Variants in DOCK5 observed in about 807,000 individuals in gnomAD.
The protein encoded by DOCK5 is dedicator of cytokinesis protein 5.
DOCK5 carries 142 observed loss-of-function variants against 251.8 expected under a neutral mutation model. The observed-to-expected ratio is 0.56, with a 90% confidence interval of 0.49 to 0.65. The LOEUF (loss-of-function observed/expected upper bound fraction) is 0.65. Among genes scored for constraint, DOCK5 ranks in the 30% least tolerant of loss-of-function variants. DOCK5 has a pLI of 0.00. For missense variants in DOCK5, 2,111 were observed against 2,312.3 expected, an observed-to-expected ratio of 0.91 and a Z score of 1.79; for synonymous variants, 842 against 835.5, an observed-to-expected ratio of 1.01 and a Z score of -0.13.
chr8:25,350,983 G>T (rs1289651776), intron 26 of DOCK5, among the ~76,000 whole-genome samples: 1 of 152,130 alleles, frequency 6.6e-6, no homozygotes, highest in Non-Finnish European at 1.5e-5. Flanking sequence ...ACAGAAGGTG[G>T]TAAGAGCTTT....
At chr8:25,354,921 T>C (rs973095344) in intron 27 of DOCK5, among the ~76,000 whole-genome samples, 1 of 152,076 alleles carries the variant, frequency 6.6e-6, no homozygotes, top group Non-Finnish European at 1.5e-5. Flanking sequence ...TGATACTCAA[T>C]GGTCGTTAAA....
intron 11 of DOCK5, among the ~76,000 whole-genome samples, chr8:25,306,318 CTTGTT>C (rs907953979): frequency 1.3e-5 from 2 of 152,110 alleles, no homozygotes; most frequent in African/African-American, 4.8e-5. Flanking sequence ...GAATGCTGCT[CTTGTT>C]TTGTGCATAA....
intron 8 of DOCK5, among the ~76,000 whole-genome samples, chr8:25,300,148 C>T (rs935791431): frequency 3.9e-5 from 6 of 152,208 alleles, no homozygotes; most frequent in African/African-American, 1.2e-4. Flanking sequence ...TCAGGCGATC[C>T]GCCCGCCTTG....
Position 25,410,176 on chromosome 8 carries a change from G to A in DOCK5, c.5482G>A (p.Glu1828Lys), listed in dbSNP as rs1801597110. Residue 1828 changes from glutamate (E) to lysine (K), a missense_variant, in exon 51 of 52, where the codon GAA becomes AAA. Physicochemically the swap from Glu to Lys is moderately conservative, Grantham distance 56 (BLOSUM62 1). This residue lies in a region of DOCK5 where 1,717 missense variants were observed against 1,892.4 expected (regional missense o/e 0.91). Coordinates refer to ENST00000276440, the MANE Select transcript of DOCK5 (RefSeq NM_024940.8). The stretch of plus-strand genomic sequence containing the variant: ...ACCTCCCCCCAAAAGCAAGCCCTAT[G>A]AAGGCAGCCAGAGGAACTCCACTGA... Reference protein sequence around the residue: ...PPPPPKSKPYEGSQRNSTELA... With the variant: ...PPPPPKSKPYKGSQRNSTELA... 6.2e-7 allele frequency: 1 copy of A among 1,613,616 alleles called. No homozygotes were observed. The highest frequency in any genetic ancestry group is 8.5e-7 in the Non-Finnish European group (1 of 1,179,796).
chr8:25,222,874 G>A (rs961667472), intron 1 of DOCK5, among the ~76,000 whole-genome samples: 7 of 152,256 alleles, frequency 4.6e-5, no homozygotes, highest in African/African-American at 1.2e-4. Context: ...TGTCTTGCAC[G>A]CTTGGTGCCC....
Position 25,414,028 on chromosome 8 carries a change from T to G in DOCK5, c.*2730T>G, listed in dbSNP as rs940904683. The G allele has an allele frequency of 2.6e-5, 4 of 152,220 alleles. No homozygotes were observed. The highest frequency in any genetic ancestry group is 5.9e-5 in the Non-Finnish European group (4 of 68,038). The allele number at this position is 152,220 out of a possible 1,614,324, so 9.4% of individuals were successfully genotyped here. Reference sequence around the variant, plus strand: ...TTTATTTTTCTTGCTAAGAACTCTCTGGAGTATTGAAAGACATTGAAATTA... The same window carrying G: ...TTTATTTTTCTTGCTAAGAACTCTCGGGAGTATTGAAAGACATTGAAATTA... On this transcript the variant is annotated 3_prime_UTR_variant, in exon 52 of 52. Transcript: ENST00000276440.
intron 16 of DOCK5, among the ~76,000 whole-genome samples, chr8:25,323,469 G>A (rs368820196): frequency 6.6e-6 from 1 of 152,296 alleles, no homozygotes; most frequent in East Asian, 1.9e-4. Flanking sequence ...GGAAGGTCTT[G>A]TAGAAATAAA....
At chr8:25,210,845 G>A (rs1404339509) in intron 1 of DOCK5, among the ~76,000 whole-genome samples, 1 of 51,558 alleles carries the variant, frequency 1.9e-5, no homozygotes, top group African/African-American at 4.2e-5. Flanking sequence ...AAGGAGCAGT[G>A]GAAAGTGCCA....
chr8:25,196,852 G>A (rs756251626), intron 1 of DOCK5, among the ~76,000 whole-genome samples: 2 of 152,278 alleles, frequency 1.3e-5, no homozygotes, highest in Non-Finnish European at 1.5e-5. Flanking sequence ...GGAATGAGTT[G>A]TAGCGGAATT....
chr8:25,381,026 A>G (rs1286256915), intron 39 of DOCK5, among the ~76,000 whole-genome samples: 1 of 151,916 alleles, frequency 6.6e-6, no homozygotes, highest in Non-Finnish European at 1.5e-5. Flanking sequence ...CTGAATGCCC[A>G]GTGGAAGGCA....
chr8:25,246,224 G>A lies in DOCK5; in HGVS notation c.127+2467G>A, dbSNP rs144611273. Among the ~76,000 whole-genome samples the A allele has an allele frequency of 4.4e-3, 676 of 152,242 alleles. 2 individuals are homozygous for A. The highest frequency in any genetic ancestry group is 0.016 in the African/African-American group (648 of 41,554). On this transcript the variant is annotated intron_variant, in intron 2 of 51. Coordinates refer to ENST00000276440, the MANE Select transcript of DOCK5 (RefSeq NM_024940.8). Reference sequence around the variant, plus strand: ...CTGGCTCCACAAGGCCATCAGAAATGCTGCTCAGCTTCTCAGCCACTCAGG... The same window carrying A: ...CTGGCTCCACAAGGCCATCAGAAATACTGCTCAGCTTCTCAGCCACTCAGG...
chr8:25,367,672 G>T (rs1800800201), intron 31 of DOCK5, among the ~76,000 whole-genome samples: 2 of 152,006 alleles, frequency 1.3e-5, no homozygotes, highest in South Asian at 4.1e-4. Context: ...AGTATTTTTT[G>T]CTCCCAAGGA....
intron 1 of DOCK5, among the ~76,000 whole-genome samples, chr8:25,196,518 G>A (rs1801729506): frequency 6.6e-6 from 1 of 152,212 alleles, no homozygotes; most frequent in Admixed American, 6.5e-5. Flanking sequence ...TTAGAATACT[G>A]GCAAGGGGCT....
At position 25,299,079 on chromosome 8, in the gene DOCK5, C is replaced by A; in HGVS notation, c.742C>A (p.Pro248Thr). The change falls in exon 8 of 52, where the codon CCA becomes ACA. Residue 248 changes from proline to threonine, a missense_variant. Physicochemically the swap from Pro to Thr is conservative, Grantham distance 38. Transcript: ENST00000276440. ...DAELFMALYD[P>T]DQSTFISENY... is the part of the protein sequence containing the mutation. Reference sequence around the variant, plus strand: ...AGAGTTGTTTATGGCCCTCTACGACCCAGACCAGTCCACTTTTATCAGGTA... The same window carrying A: ...AGAGTTGTTTATGGCCCTCTACGACACAGACCAGTCCACTTTTATCAGGTA... The A allele has an allele frequency of 6.2e-7, 1 of 1,613,636 alleles. No individual in the cohort carries two copies. The highest frequency in any genetic ancestry group is 8.5e-7 in the Non-Finnish European group (1 of 1,179,772).
intron 6 of DOCK5, among the ~76,000 whole-genome samples, chr8:25,294,784 C>G (rs1422595795): frequency 1.3e-5 from 2 of 152,174 alleles, no homozygotes; most frequent in Non-Finnish European, 2.9e-5. Flanking sequence ...GCTTCTGCCT[C>G]TGGGGAGGCC....
intron 2 of DOCK5, among the ~76,000 whole-genome samples, chr8:25,267,866 A>ATTT (rs541488063): frequency 1.4e-5 from 2 of 146,298 alleles, no homozygotes; most frequent in African/African-American, 5.0e-5. Context: ...CTTTATTGGA[A>ATTT]TTTTTTTTTT....
chr8:25,304,602 G>T (rs1022130150), intron 11 of DOCK5: 2 of 359,204 alleles, frequency 5.6e-6, no homozygotes, highest in African/African-American at 4.2e-5. Context: ...ATGCAGAGAG[G>T]GTGCCGTCCT....
At position 25,408,814 on chromosome 8, in the gene DOCK5, A is replaced by G. The variant is rs754163755; in HGVS notation, c.5278A>G (p.Lys1760Glu). ...PEPDLMSPTR[K>E]AQRPKSLQLM... The stretch of plus-strand genomic sequence containing the variant: ...TCTCTGGTCCTAGAGCCCAACCAGA[A>G]AAGCACAAAGGCCAAAGAGTCTCCA... Residue 1760 changes from lysine (K) to glutamate (E), a missense_variant, in exon 50 of 52, where the codon AAA becomes GAA. Lys to Glu is a moderately conservative substitution (Grantham distance 56). Around this residue, in one of 3 missense-constraint regions of DOCK5, gnomAD observed 1,717 missense variants for 1,892.4 expected, o/e 0.91. Transcript: ENST00000276440. 1.2e-6 allele frequency: 2 copies of G among 1,614,026 alleles called. No homozygotes were observed. Among genetic ancestry groups the G allele is most frequent in the Non-Finnish European group, 1.7e-6 (2 of 1,179,906 alleles).
chr8:25,370,981 TC>T (rs1183199911), intron 34 of DOCK5, among the ~76,000 whole-genome samples: 2 of 152,130 alleles, frequency 1.3e-5, no homozygotes, highest in Non-Finnish European at 2.9e-5. Context: ...GGCCTACCCT[TC>T]ATTCAGGTTG....
Sources: allele counts gnomAD v4.1 joint callset (sites outside exome capture counted in the v4.1 genomes callset), GRCh38; gene constraint gnomAD v4.1.1; regional missense constraint gnomAD v4.1.1; transcripts MANE v1.5; gene names NCBI Gene and HGNC (gene_info 2026-07-23, HGNC 2026-07-21).